GPR137C: variants seen among roughly 807,000 people sequenced by gnomAD.
GPR137C encodes the protein G protein-coupled receptor 137C.
In GPR137C, 27 loss-of-function variants were observed where a neutral mutation model predicts 43.4. The observed-to-expected ratio is 0.62, with a 90% confidence interval of 0.46 to 0.86. GPR137C has a LOEUF of 0.86. Ranked by LOEUF, GPR137C falls within the 40% of genes least tolerant of loss-of-function variation. The pLI, the probability that GPR137C is intolerant of heterozygous loss-of-function variation, is 0.00. For missense variants in GPR137C, 522 were observed against 534.6 expected, an observed-to-expected ratio of 0.98 and a Z score of 0.23; for synonymous variants, 285 against 226.9, an observed-to-expected ratio of 1.26 and a Z score of -2.30.
At chr14:52,580,672 A>AT (rs2038630237) in intron 1 of GPR137C, among the ~76,000 whole-genome samples, 1 of 151,660 alleles carries the variant, frequency 6.6e-6, no homozygotes, top group Non-Finnish European at 1.5e-5. Flanking sequence ...CCAATGAATA[A>AT]TTTTTTTAAG....
intron 1 of GPR137C, among the ~76,000 whole-genome samples, chr14:52,594,080 AT>A (rs2038818998): frequency 6.6e-6 from 1 of 152,058 alleles, no homozygotes. Flanking sequence ...CCTTCATTTC[AT>A]TATTTACCCA....
intron 1 of GPR137C, among the ~76,000 whole-genome samples, chr14:52,566,300 T>TAA (rs2038368837): frequency 6.6e-6 from 1 of 152,226 alleles, no homozygotes; most frequent in Non-Finnish European, 1.5e-5. Context: ...TAAAAAAGCT[T>TAA]AAATATTTTC....
intron 1 of GPR137C, among the ~76,000 whole-genome samples, chr14:52,590,676 C>A (rs1315983153): frequency 6.6e-6 from 1 of 152,108 alleles, no homozygotes; most frequent in Non-Finnish European, 1.5e-5. Context: ...TTGCACATAG[C>A]ATTTGGTACA....
rs2039368743 is a variant in GPR137C, at chr14:52,637,688, TAAAAA to T, written c.*2574_*2578del. On this transcript the variant is annotated 3_prime_UTR_variant, in exon 7 of 7. Coordinates refer to ENST00000321662, the MANE Select transcript of GPR137C (RefSeq NM_001099652.2). ...CTAAATTGTAACAAAACACTACTAT[TAAAAA>T]TAAAAGTGTTTGTGCTTTTATTTAG... The T allele has an allele frequency of 6.6e-6, 1 of 152,092 alleles. No homozygotes were observed. 9.4% of individuals were successfully genotyped at this position (152,092 alleles called of 1,614,324 possible). A position where few individuals can be genotyped will look rare whatever the true frequency, so the allele number is the denominator to read the frequency against.
At chr14:52,603,221 A>G (rs905908261) in intron 3 of GPR137C, among the ~76,000 whole-genome samples, 13 of 152,098 alleles carry the variant, frequency 8.5e-5, no homozygotes, top group Non-Finnish European at 1.6e-4. Context: ...TGCCTGGCTT[A>G]TTTCACTTAA....
intron 3 of GPR137C, among the ~76,000 whole-genome samples, chr14:52,616,470 T>C (rs1198815558): frequency 6.6e-6 from 1 of 152,164 alleles, no homozygotes; most frequent in Admixed American, 6.5e-5. Context: ...AATTTTTGTA[T>C]TGTAAGTACA....
intron 1 of GPR137C, among the ~76,000 whole-genome samples, chr14:52,562,108 A>G (rs866301120): frequency 8.5e-5 from 13 of 152,236 alleles, no homozygotes; most frequent in African/African-American, 3.1e-4. Context: ...CATCTAATTT[A>G]TGTTAGAAAA....
intron 1 of GPR137C, among the ~76,000 whole-genome samples, chr14:52,571,476 C>G (rs966501846): frequency 6.6e-6 from 1 of 152,030 alleles, no homozygotes; most frequent in African/African-American, 2.4e-5. Context: ...AGTTTGAGAC[C>G]AGCCTGGCCA....
Position 52,553,468 on chromosome 14 carries a change from C to T in GPR137C, c.321C>T (p.Ser107=). 6.2e-7 allele frequency: 1 copy of T among 1,608,788 alleles called. No homozygotes were observed. The change falls in exon 1 of 7, where the codon AGC becomes AGT. Residue 107 remains serine (S), a synonymous_variant. Coordinates refer to ENST00000321662, the MANE Select transcript of GPR137C (RefSeq NM_001099652.2). ...TCTTCTCCGCCGCCTTCTCGCTCAG[C>T]GGCTCCCTGCCCTTGCTCCGGCCGC... ...TTLFSAAFSL[S]GSLPLLRPPA...
chr14:52,618,062 G>A (rs2039119807), intron 3 of GPR137C, among the ~76,000 whole-genome samples: 1 of 152,018 alleles, frequency 6.6e-6, no homozygotes, highest in Non-Finnish European at 1.5e-5. Context: ...GAGGGGTCTT[G>A]TATAATGATC....
chr14:52,622,777 C>T (rs73291379), intron 3 of GPR137C, among the ~76,000 whole-genome samples: 8,431 of 152,098 alleles, frequency 0.055, 777 homozygotes, highest in African/African-American at 0.19. Context: ...TTTAAGGGCA[C>T]ATCTCATCAC....
chr14:52,612,590 C>G, intron 3 of GPR137C: 4 of 801,934 alleles, frequency 5.0e-6, no homozygotes, highest in Non-Finnish European at 6.0e-6. Flanking sequence ...GAGACACATT[C>G]TCACTGTGTC....
intron 1 of GPR137C, among the ~76,000 whole-genome samples, chr14:52,587,943 G>C (rs1450169586): frequency 6.6e-6 from 1 of 152,132 alleles, no homozygotes; most frequent in African/African-American, 2.4e-5. Context: ...TTTAAAAGAA[G>C]TTCCTCCATC....
chr14:52,591,294 A>G (rs1472989686), intron 1 of GPR137C, among the ~76,000 whole-genome samples: 1 of 152,134 alleles, frequency 6.6e-6, no homozygotes, highest in Non-Finnish European at 1.5e-5. Flanking sequence ...GTAAACATAC[A>G]TGTGCATTGT....
intron 1 of GPR137C, among the ~76,000 whole-genome samples, chr14:52,564,572 C>G (rs1209889151): frequency 1.3e-5 from 2 of 152,118 alleles, no homozygotes; most frequent in Non-Finnish European, 2.9e-5. Context: ...TTCAAGGAAG[C>G]CTTCACTCAA....
intron 1 of GPR137C, among the ~76,000 whole-genome samples, chr14:52,574,407 T>C (rs1180000279): frequency 6.6e-6 from 1 of 152,208 alleles, no homozygotes; most frequent in Non-Finnish European, 1.5e-5. Context: ...GATGAGTTCA[T>C]GTCCTTTGCA....
intron 3 of GPR137C, among the ~76,000 whole-genome samples, chr14:52,626,455 TA>T (rs1210331601): frequency 3.5e-3 from 494 of 142,198 alleles, no homozygotes; most frequent in African/African-American, 0.01. Flanking sequence ...CCTTCATGAT[TA>T]AAAAAAAAAA....
chr14:52,570,787 A>G (rs966394134), intron 1 of GPR137C, among the ~76,000 whole-genome samples: 1 of 152,214 alleles, frequency 6.6e-6, no homozygotes, highest in Non-Finnish European at 1.5e-5. Flanking sequence ...AAACAAGAAG[A>G]GCTAACCTAA....
intron 1 of GPR137C, among the ~76,000 whole-genome samples, chr14:52,558,652 C>G (rs1205339479): frequency 2.0e-5 from 3 of 152,162 alleles, no homozygotes; most frequent in Admixed American, 2.0e-4. Flanking sequence ...AAAAATCACA[C>G]TGGGGAATTG....
Sources: allele counts gnomAD v4.1 joint callset (sites outside exome capture counted in the v4.1 genomes callset), GRCh38; gene constraint gnomAD v4.1.1; transcripts MANE v1.5; gene names NCBI Gene and HGNC (gene_info 2026-07-23, HGNC 2026-07-21).